Variants in SMAD2 observed in about 807,000 individuals in gnomAD.
SMAD2 encodes the protein MAD homolog 2.
In SMAD2, 8 loss-of-function variants were observed where a neutral mutation model predicts 64.4. That is an observed-to-expected ratio of 0.12 (90% CI 0.07 to 0.22). The LOEUF (loss-of-function observed/expected upper bound fraction) is 0.22, where lower values mean the gene tolerates loss of function less well. Ranked by LOEUF, SMAD2 falls within the 10% of genes least tolerant of loss-of-function variation. The probability of loss-of-function intolerance (pLI) is 1.00; values close to 1 mark genes in which losing one functional copy is unlikely to be tolerated. For synonymous variants in SMAD2, 203 were observed against 195.8 expected (o/e 1.04, Z -0.31); for missense variants, 289 against 561.2 (o/e 0.51, Z 4.90).
In SMAD2 at chr18:47,848,668, G is replaced by A; in HGVS notation, c.804C>T (p.Tyr268=). ...NHSLDLQPVT[Y]SEPAFWCSIA... ...TCGAACACCAAAATGCAGGTTCTGA[G>A]TAAGTAACTGGCTGTAAATCTGAAA... Residue 268 remains tyrosine, a synonymous_variant, in exon 8 of 11, where the codon TAC becomes TAT. Coordinates refer to ENST00000262160, the MANE Select transcript of SMAD2 (RefSeq NM_005901.6). The A allele has an allele frequency of 1.2e-6, 2 of 1,612,338 alleles. No homozygotes were observed. Among genetic ancestry groups the A allele is most frequent in the Non-Finnish European group, 1.7e-6 (2 of 1,178,756 alleles).
chr18:47,888,676 T>C (rs2033037228), intron 2 of SMAD2, among the ~76,000 whole-genome samples: 2 of 152,194 alleles, frequency 1.3e-5, no homozygotes. Flanking sequence ...GGGGAGCTTC[T>C]CTCTATCTAC....
chr18:47,875,590 T>A (rs1198316436), intron 2 of SMAD2, among the ~76,000 whole-genome samples: 1 of 152,104 alleles, frequency 6.6e-6, no homozygotes, highest in Non-Finnish European at 1.5e-5. Context: ...TAGCACTGAT[T>A]ATAACAACTA....
chr18:47,867,425 TTAAATG>T (rs1236086323), intron 5 of SMAD2: 3 of 152,118 alleles, frequency 2.0e-5, no homozygotes, highest in Non-Finnish European at 4.4e-5. Flanking sequence ...AAATAATTGT[TTAAATG>T]TACTAAAACT....
rs1912439468 is a variant in SMAD2 at position 47,818,244 on chromosome 18, AG to A, written c.*23582del. On this transcript the variant is annotated 3_prime_UTR_variant, in exon 11 of 11. Coordinates refer to ENST00000262160, the MANE Select transcript of SMAD2 (RefSeq NM_005901.6). ...CAGCCAAGAACAAAAAGAAAAAAAA[AG>A]GTCTTAAAGGGCCTTAAATTAATGG... The A allele has an allele frequency of 6.6e-6, 1 of 152,228 alleles. No individual in the cohort carries two copies. The highest frequency in any genetic ancestry group is 1.5e-5 in the Non-Finnish European group (1 of 68,040). The allele number at this position is 152,228 out of a possible 1,614,324, so 9.4% of individuals were successfully genotyped here. A position where few individuals can be genotyped will look rare whatever the true frequency, so the allele number is the denominator to read the frequency against.
intron 2 of SMAD2, among the ~76,000 whole-genome samples, chr18:47,887,486 C>T (rs2032973509): frequency 6.6e-6 from 1 of 152,104 alleles, no homozygotes; most frequent in Non-Finnish European, 1.5e-5. Context: ...AGACTCTCAC[C>T]TATAGTTAGT....
intron 2 of SMAD2, among the ~76,000 whole-genome samples, chr18:47,883,533 C>CT (rs2032729137): frequency 6.6e-6 from 1 of 152,172 alleles, no homozygotes; most frequent in South Asian, 2.1e-4. Flanking sequence ...CTTAAAACTT[C>CT]TATGTCTTTA....
intron 10 of SMAD2, among the ~76,000 whole-genome samples, chr18:47,842,164 T>G (rs1387461896): frequency 6.6e-6 from 1 of 152,224 alleles, no homozygotes; most frequent in Admixed American, 6.5e-5. Flanking sequence ...CATCTTTTTC[T>G]CATCGCACTA....
intron 5 of SMAD2, among the ~76,000 whole-genome samples, chr18:47,866,640 C>T (rs1031705486): frequency 6.6e-6 from 1 of 151,980 alleles, no homozygotes; most frequent in Non-Finnish European, 1.5e-5. Flanking sequence ...CCTTAAAATA[C>T]GTTATCTTAC....
intron 2 of SMAD2, among the ~76,000 whole-genome samples, chr18:47,872,142 C>G (rs1204449524): frequency 6.6e-6 from 1 of 152,124 alleles, no homozygotes; most frequent in Non-Finnish European, 1.5e-5. Context: ...AGACCCCAAC[C>G]CTAATTCGGC....
chr18:47,818,217 T>C lies in SMAD2; in HGVS notation c.*23610A>G, dbSNP rs1337893448. 1 of 152,152 alleles carries C rather than the reference T, an allele frequency of 6.6e-6. No homozygotes were observed. Among genetic ancestry groups the C allele is most frequent in the African/African-American group, 2.4e-5 (1 of 41,436 alleles). 9.4% of individuals were successfully genotyped at this position (152,152 alleles called of 1,614,324 possible). A position where few individuals can be genotyped will look rare whatever the true frequency, so the allele number is the denominator to read the frequency against. ...AGATGAAACTCACTCCTTACGGCAT[T>C]CCAGCCAAGAACAAAAAGAAAAAAA... is the stretch of plus-strand genomic sequence containing the variant. On this transcript the variant is annotated 3_prime_UTR_variant, in exon 11 of 11. Coordinates refer to ENST00000262160, the MANE Select transcript of SMAD2 (RefSeq NM_005901.6).
chr18:47,870,472 C>T lies in SMAD2; in HGVS notation c.326+3G>A. 1.2e-6 allele frequency: 2 copies of T among 1,606,146 alleles called. No individual in the cohort carries two copies. Among genetic ancestry groups the T allele is most frequent in the Non-Finnish European group, 1.7e-6 (2 of 1,172,900 alleles). ...AAGATTCGACAGAGGGCAGAATATT[C>T]ACCTGGTTTGTTCAGAGAAGCTGTA... is the stretch of plus-strand genomic sequence containing the variant. On this transcript the variant is annotated splice_donor_region_variant and intron_variant, in intron 3 of 10. Coordinates refer to ENST00000262160, the MANE Select transcript of SMAD2 (RefSeq NM_005901.6).
chr18:47,873,179 A>G (rs2032049594), intron 2 of SMAD2, among the ~76,000 whole-genome samples: 1 of 152,142 alleles, frequency 6.6e-6, no homozygotes, highest in African/African-American at 2.4e-5. Flanking sequence ...GCATCCACTA[A>G]TTCTGGTATG....
rs1048043460 is a variant in SMAD2, at chr18:47,833,976, TTC to T, written c.*7849_*7850del. On this transcript the variant is annotated 3_prime_UTR_variant, in exon 11 of 11. Transcript: ENST00000262160. ...AGAACTTAGCTATCTAGTTGGCCTC[TTC>T]TCTGTTCCATTATAACATCAGTTAC... 4.5e-6 allele frequency: 1 copy of T among 223,838 alleles called. No homozygotes were observed. Among genetic ancestry groups the T allele is most frequent in the Non-Finnish European group, 8.9e-6 (1 of 112,354 alleles). 13.9% of individuals were successfully genotyped at this position (223,838 alleles called of 1,614,324 possible). A position where few individuals can be genotyped will look rare whatever the true frequency, so the allele number is the denominator to read the frequency against.
At chr18:47,850,615 T>TAAATCCCCATACTACG (rs1915322307) in intron 7 of SMAD2, among the ~76,000 whole-genome samples, 2 of 33,538 alleles carry the variant, frequency 6.0e-5, no homozygotes, top group Non-Finnish European at 9.5e-5. Flanking sequence ...ATAATATATA[T>TAAATCCCCATACTACG]TATATATTAT....
chr18:47,912,840 A>G (rs925438820), intron 1 of SMAD2, among the ~76,000 whole-genome samples: 3 of 150,812 alleles, frequency 2.0e-5, no homozygotes, highest in Non-Finnish European at 4.4e-5. Flanking sequence ...ATAAAAAATG[A>G]AACTTCTGTA....
intron 10 of SMAD2, chr18:47,845,012 G>A (rs996510509): frequency 1.3e-5 from 7 of 544,032 alleles, no homozygotes; most frequent in Non-Finnish European, 1.9e-5. Flanking sequence ...ACTAGATCAT[G>A]TGCCATCAAG....
chr18:47,922,151 T>A (rs2034586164), intron 1 of SMAD2, among the ~76,000 whole-genome samples: 1 of 152,198 alleles, frequency 6.6e-6, no homozygotes, highest in African/African-American at 2.4e-5. Flanking sequence ...GAAGAGAAAT[T>A]TCAAATCTTC....
rs1243778230 is a variant in SMAD2 at position 47,829,991 on chromosome 18, A to C, written c.*11836T>G. On this transcript the variant is annotated 3_prime_UTR_variant, in exon 11 of 11. Coordinates refer to ENST00000262160, the MANE Select transcript of SMAD2 (RefSeq NM_005901.6). ...GCAGCAGCAAATTCCCCCACTGACA[A>C]CTTCAAAGCATAGCAAGAATCCACA... 6 of 152,200 alleles carry C rather than the reference A, an allele frequency of 3.9e-5. No individual in the cohort carries two copies. Among genetic ancestry groups the C allele is most frequent in the Non-Finnish European group, 7.4e-5 (5 of 68,018 alleles). The allele number at this position is 152,200 out of a possible 1,614,324, so 9.4% of individuals were successfully genotyped here. A position where few individuals can be genotyped will look rare whatever the true frequency, so the allele number is the denominator to read the frequency against.
chr18:47,869,603 T>C (rs1033772118), intron 3 of SMAD2, among the ~76,000 whole-genome samples, 167 bp from the exon 4 acceptor site: 5 of 152,148 alleles, frequency 3.3e-5, no homozygotes, highest in Non-Finnish European at 7.4e-5. Flanking sequence ...TTAATGGATC[T>C]GATAAAAGTA....
Sources: gnomAD v4.1 joint callset for allele counts (sites outside exome capture counted in the v4.1 genomes callset) on GRCh38, gnomAD v4.1.1 for gene constraint, MANE v1.5 for transcripts, NCBI Gene and HGNC (gene_info 2026-07-23, HGNC 2026-07-21) for gene names.